SLC25A37: variants seen among roughly 807,000 people sequenced by gnomAD.
SLC25A37 encodes mitoferrin-1.
SLC25A37 carries 17 observed loss-of-function variants against 31.0 expected under a neutral mutation model. The observed-to-expected ratio is 0.55, with a 90% CI of 0.38 to 0.82. The LOEUF is 0.82. SLC25A37 is among the 40% of genes least tolerant of loss of function. The pLI, the probability that SLC25A37 is intolerant of heterozygous loss-of-function variation, is 0.00. For synonymous variants in SLC25A37, 222 were observed against 193.0 expected, an observed-to-expected ratio of 1.15 and a Z score of -1.24; for missense variants, 404 against 465.8, an observed-to-expected ratio of 0.87 and a Z score of 1.22.
intron 1 of SLC25A37, among the ~76,000 whole-genome samples, chr8:23,563,559 G>A (rs985440083): frequency 3.3e-5 from 5 of 152,174 alleles, no homozygotes; most frequent in Admixed American, 2.6e-4. Flanking sequence ...TTTAAAAAAC[G>A]AAAGGATGCA....
intron 1 of SLC25A37, among the ~76,000 whole-genome samples, chr8:23,559,542 C>T (rs1021788330): frequency 1.3e-5 from 2 of 152,194 alleles, no homozygotes; most frequent in Non-Finnish European, 2.9e-5. Flanking sequence ...AGTCCAGCGG[C>T]ATTAAGTACA....
In SLC25A37 at chr8:23,573,729, C is replaced by T. The variant is rs1802920339; in HGVS notation, c.*1874C>T. The stretch of plus-strand genomic sequence containing the variant: ...GGGAAAGAGCCAAACTGGGTACCTC[C>T]CACGTGTGCCCCGTGAACAGCCCTT... On this transcript the variant is annotated 3_prime_UTR_variant, in exon 4 of 4. Transcript: ENST00000519973. 2.3e-6 allele frequency: 1 copy of T among 443,978 alleles called. No homozygotes were observed. The highest frequency in any genetic ancestry group is 2.0e-5 in the African/African-American group (1 of 49,792). The allele number at this position is 443,978 out of a possible 1,614,324, so 27.5% of individuals were successfully genotyped here. A position where few individuals can be genotyped will look rare whatever the true frequency, so the allele number is the denominator to read the frequency against.
chr8:23,550,979 C>G (rs759547484), intron 1 of SLC25A37, among the ~76,000 whole-genome samples: 11 of 152,322 alleles, frequency 7.2e-5, no homozygotes, highest in Non-Finnish European at 1.3e-4. Flanking sequence ...CAGAGGCGAG[C>G]CAGCTCTCAG....
At chr8:23,536,010 G>A (rs1421513622) in intron 1 of SLC25A37, among the ~76,000 whole-genome samples, 1 of 152,152 alleles carries the variant, frequency 6.6e-6, no homozygotes, top group Non-Finnish European at 1.5e-5. Flanking sequence ...TTATAGGGTT[G>A]TTGTAAGAAT....
rs1585204673 is a variant in SLC25A37 at position 23,568,477 on chromosome 8, G to GCC, written c.496+99_496+100insCC. On this transcript the variant is annotated intron_variant, in intron 3 of 3. Coordinates refer to ENST00000519973, the MANE Select transcript of SLC25A37 (RefSeq NM_016612.4). ...GGAGAGGACTGAAGGTGGGCAGAGCGGCTCCTAGTCTCCAGTCAGAGCAGA... is the reference window on the plus strand; with the variant it reads ...GGAGAGGACTGAAGGTGGGCAGAGCGCCGCTCCTAGTCTCCAGTCAGAGCAGA... 1.7e-5 allele frequency: 23 copies of GCC among 1,364,574 alleles called. No individual in the cohort carries two copies. The East Asian group carries it at 5.3e-4, about 31-fold the overall frequency. The allele number at this position is 1,364,574 out of a possible 1,614,324, so 84.5% of individuals were successfully genotyped here.
At chr8:23,530,850 ATTAG>A (rs571124714) in intron 1 of SLC25A37, among the ~76,000 whole-genome samples, 52 of 152,300 alleles carry the variant, frequency 3.4e-4, no homozygotes, top group African/African-American at 1.2e-3. Context: ...ATTAGAAATA[ATTAG>A]TTGTGCCTTC....
At chr8:23,558,306 A>T (rs933590050) in intron 1 of SLC25A37, among the ~76,000 whole-genome samples, 1 of 152,176 alleles carries the variant, frequency 6.6e-6, no homozygotes, top group African/African-American at 2.4e-5. Context: ...GCCCACTACC[A>T]GGCTCAGCTT....
intron 1 of SLC25A37, among the ~76,000 whole-genome samples, chr8:23,539,292 G>T (rs555215524): frequency 6.6e-6 from 1 of 152,146 alleles, no homozygotes; most frequent in Non-Finnish European, 1.5e-5. Flanking sequence ...AACTTCTTCC[G>T]GGTCCACCGA....
Position 23,571,575 on chromosome 8 carries a change from C to A in SLC25A37, c.737C>A (p.Ala246Asp). ...SHIISGGLAG[A>D]LAAAATTPLD... ...ATCATCTCAGGCGGGCTGGCCGGGG[C>A]CCTCGCCGCGGCCGCCACGACCCCC... The change falls in exon 4 of 4, where the codon GCC becomes GAC. Residue 246 changes from alanine to aspartate, a missense_variant. Transcript: ENST00000519973. 6.2e-7 allele frequency: 1 copy of A among 1,613,690 alleles called. No homozygotes were observed. Among genetic ancestry groups the A allele is most frequent in the South Asian group, 1.1e-5 (1 of 91,056 alleles).
At chr8:23,569,109 C>G (rs1411756037) in intron 3 of SLC25A37, 5 of 152,570 alleles carry the variant, frequency 3.3e-5, no homozygotes, top group Admixed American at 1.3e-4. Context: ...ATGAAAAATA[C>G]AAAAATTAGC....
intron 1 of SLC25A37, among the ~76,000 whole-genome samples, chr8:23,532,608 G>A (rs1214979298): frequency 6.6e-6 from 1 of 152,198 alleles, no homozygotes; most frequent in Non-Finnish European, 1.5e-5. Context: ...GAAGCCGGGG[G>A]ACTTCCGCTG....
intron 1 of SLC25A37, among the ~76,000 whole-genome samples, chr8:23,550,485 C>T (rs935779264): frequency 8.5e-4 from 129 of 152,278 alleles, no homozygotes; most frequent in African/African-American, 3.0e-3. Context: ...AGGCTAATAG[C>T]GGGGTGTGCT....
chr8:23,544,606 T>C (rs1801987185), intron 1 of SLC25A37, among the ~76,000 whole-genome samples: 1 of 152,094 alleles, frequency 6.6e-6, no homozygotes, highest in Non-Finnish European at 1.5e-5. Context: ...GGGGAGGAGT[T>C]GGGAAAGGCC....
intron 1 of SLC25A37, among the ~76,000 whole-genome samples, chr8:23,542,498 C>T (rs1204824045): frequency 1.3e-5 from 2 of 151,506 alleles, no homozygotes; most frequent in Admixed American, 6.6e-5. Context: ...CCTGCCTCAG[C>T]TTCCCAGAGT....
intron 1 of SLC25A37, chr8:23,543,074 A>AT (rs775509439): frequency 6.9e-4 from 78 of 112,690 alleles, no homozygotes; most frequent in Non-Finnish European, 1.1e-3. Flanking sequence ...AATTTTATTT[A>AT]TTTTTTTTTT....
intron 1 of SLC25A37, among the ~76,000 whole-genome samples, chr8:23,538,882 C>T (rs1030990963): frequency 1.3e-5 from 2 of 152,188 alleles, no homozygotes; most frequent in African/African-American, 4.8e-5. Flanking sequence ...CTAGAGCCTA[C>T]AGGGTAGCGT....
At chr8:23,533,631 A>G (rs1004957799) in intron 1 of SLC25A37, among the ~76,000 whole-genome samples, 8 of 152,006 alleles carry the variant, frequency 5.3e-5, no homozygotes, top group Admixed American at 5.2e-4. Flanking sequence ...CATCGGATGA[A>G]CTCACCTGCT....
intron 1 of SLC25A37, among the ~76,000 whole-genome samples, chr8:23,559,116 T>C (rs995536898): frequency 1.3e-5 from 2 of 152,086 alleles, no homozygotes; most frequent in Admixed American, 1.3e-4. Context: ...AAGACAGAGG[T>C]TTAGGAAGTG....
intron 1 of SLC25A37, among the ~76,000 whole-genome samples, chr8:23,532,550 C>T (rs1049360658): frequency 3.9e-5 from 6 of 152,142 alleles, no homozygotes; most frequent in African/African-American, 1.2e-4. Flanking sequence ...GAGACCATGC[C>T]GAGTCCCGCC....
Sources: allele counts gnomAD v4.1 joint callset (sites outside exome capture counted in the v4.1 genomes callset), GRCh38; gene constraint gnomAD v4.1.1; transcripts MANE v1.5; gene names NCBI Gene and HGNC (gene_info 2026-07-23, HGNC 2026-07-21).